The following ADGRL2 variants were observed in gnomAD, a reference collection of about 807,000 sequenced individuals.
The protein encoded by ADGRL2 is calcium-independent alpha-latrotoxin receptor 2.
Under a neutral mutation model 157.4 loss-of-function variants are expected in ADGRL2, and 44 were observed. The ratio of observed to expected loss-of-function variants is 0.28; its 90% CI spans 0.22 to 0.36. ADGRL2 has a LOEUF of 0.36. Among genes scored for constraint, ADGRL2 ranks in the 10% least tolerant of loss-of-function variants. ADGRL2 has a pLI of 1.00. For missense variants in ADGRL2, 1,510 were observed against 1,768.9 expected, an observed-to-expected ratio of 0.85 and a Z score of 2.63; for synonymous variants, 585 against 624.7, an observed-to-expected ratio of 0.94 and a Z score of 0.95.
intron 3 of ADGRL2, among the ~76,000 whole-genome samples, chr1:81,918,597 G>A (rs989672812): frequency 4.6e-5 from 7 of 152,166 alleles, no homozygotes; most frequent in Middle Eastern, 3.4e-3. Flanking sequence ...TGTTTGTAAG[G>A]CACAGGCTGG....
chr1:81,427,934 C>T (rs1422114302), intron 1 of ADGRL2, among the ~76,000 whole-genome samples: 2 of 151,846 alleles, frequency 1.3e-5, no homozygotes, highest in Admixed American at 6.6e-5. Flanking sequence ...AGGTATATTG[C>T]CCTGTAAATT....
At chr1:81,378,655 A>G (rs1376781557) in intron 1 of ADGRL2, among the ~76,000 whole-genome samples, 1 of 151,122 alleles carries the variant, frequency 6.6e-6, no homozygotes, top group Non-Finnish European at 1.5e-5. Context: ...ATCTCTCTTT[A>G]TGTAAAAATG....
chr1:81,887,779 A>G (rs142078195), intron 2 of ADGRL2, among the ~76,000 whole-genome samples: 70 of 152,346 alleles, frequency 4.6e-4, no homozygotes, highest in African/African-American at 1.7e-3. Flanking sequence ...ACTAATACCT[A>G]TATAAATTGT....
upstream of ADGRL2, among the ~76,000 whole-genome samples, chr1:81,694,945 C>T (rs1173441173): frequency 6.6e-6 from 1 of 152,106 alleles, no homozygotes; most frequent in Non-Finnish European, 1.5e-5. Flanking sequence ...ATGTGTTATA[C>T]TCTCCATTTG....
chr1:81,615,469 C>T (rs989182047), intron 3 of ADGRL2, among the ~76,000 whole-genome samples: 1 of 152,230 alleles, frequency 6.6e-6, no homozygotes, highest in African/African-American at 2.4e-5. Flanking sequence ...CGAAGGTCTG[C>T]AACTTCACTC....
chr1:81,955,644 C>T (rs1653270434), intron 10 of ADGRL2: 2 of 365,236 alleles, frequency 5.5e-6, no homozygotes, highest in South Asian at 1.9e-4. Context: ...ACCTTCTACA[C>T]TTACTGTTTG....
At chr1:81,389,906 T>C (rs549020324) in intron 1 of ADGRL2, among the ~76,000 whole-genome samples, 2 of 152,252 alleles carry the variant, frequency 1.3e-5, no homozygotes, top group Admixed American at 6.5e-5. Flanking sequence ...AAGCTATATA[T>C]ACAAAATTCC....
chr1:81,524,142 C>T (rs373205706), intron 2 of ADGRL2, among the ~76,000 whole-genome samples: 5 of 152,002 alleles, frequency 3.3e-5, no homozygotes, highest in East Asian at 3.9e-4. Context: ...GGTTGGATCA[C>T]GAGGTCAGGA....
Position 81,904,413 on chromosome 1 carries a change from G to T in ADGRL2, c.74-2604G>T, listed in dbSNP as rs543745555. The stretch of plus-strand genomic sequence containing the variant: ...ATTAAGAACTCTTAGTGCAATTTCT[G>T]TTGCTATAGGAAAATACTCAGACTG... On this transcript the variant is annotated intron_variant, in intron 2 of 23. Transcript: ENST00000686636. 2.0e-4 allele frequency among the ~76,000 whole-genome samples: 30 copies of T among 152,252 alleles called. No homozygotes were observed. In the East Asian group the frequency reaches 5.6e-3, roughly 28 times the overall value.
chr1:81,792,826 G>A (rs1380457293), intron 2 of ADGRL2, among the ~76,000 whole-genome samples: 1 of 152,024 alleles, frequency 6.6e-6, no homozygotes, highest in Non-Finnish European at 1.5e-5. Flanking sequence ...CACCAAAGGA[G>A]AAAGTTTAAA....
At chr1:81,730,220 A>G (rs934222573) in intron 1 of ADGRL2, among the ~76,000 whole-genome samples, 1 of 152,216 alleles carries the variant, frequency 6.6e-6, no homozygotes, top group African/African-American at 2.4e-5. Flanking sequence ...CACCAGGCAC[A>G]TTGTAACAAA....
chr1:81,429,520 T>A (rs879741091), intron 1 of ADGRL2, among the ~76,000 whole-genome samples: 1 of 152,206 alleles, frequency 6.6e-6, no homozygotes, highest in Non-Finnish European at 1.5e-5. Flanking sequence ...TGGTTGCCTG[T>A]CCTAAGAAAC....
chr1:81,913,868 AT>A (rs2094791737), intron 3 of ADGRL2, among the ~76,000 whole-genome samples: 1 of 152,148 alleles, frequency 6.6e-6, no homozygotes, highest in Non-Finnish European at 1.5e-5. Context: ...ATGAAAATGT[AT>A]TCATAAATAA....
intron 3 of ADGRL2, among the ~76,000 whole-genome samples, chr1:81,924,206 G>A (rs1038539542): frequency 2.6e-5 from 4 of 152,012 alleles, no homozygotes; most frequent in African/African-American, 9.7e-5. Flanking sequence ...TTGCATGGAG[G>A]GCACCACTGG....
intron 2 of ADGRL2, among the ~76,000 whole-genome samples, chr1:81,486,759 A>G (rs889856198): frequency 2.0e-5 from 3 of 152,218 alleles, no homozygotes; most frequent in African/African-American, 7.2e-5. Context: ...CATATAAGTT[A>G]GAAAACCTAC....
rs1664374297 is a variant in ADGRL2, at chr1:81,990,450, A to C, written c.3715A>C (p.Asn1239His). Residue 1239 changes from asparagine (N) to histidine (H), a missense_variant, in exon 24 of 24, where the codon AAT becomes CAT. Asn to His is a moderately conservative substitution (Grantham distance 68). Around this residue, in one of 4 missense-constraint regions of ADGRL2, gnomAD observed 327 missense variants for 310.1 expected, o/e 1.05. Transcript: ENST00000686636. ...CATGGATACTCTACCGCTAAATGGTAATTTTAACAACAGCTACTCGCTGCA... is the reference window on the plus strand; with the variant it reads ...CATGGATACTCTACCGCTAAATGGTCATTTTAACAACAGCTACTCGCTGCA... ...SAMDTLPLNGNFNNSYSLHKG... is the reference protein window; with the variant it reads ...SAMDTLPLNGHFNNSYSLHKG... 1 of 1,613,982 alleles carries C rather than the reference A, an allele frequency of 6.2e-7. No homozygotes were observed. The highest frequency in any genetic ancestry group is 1.1e-5 in the South Asian group (1 of 91,086).
intron 3 of ADGRL2, among the ~76,000 whole-genome samples, chr1:81,922,385 T>TTA (rs2095002813): frequency 6.6e-6 from 1 of 152,154 alleles, no homozygotes; most frequent in South Asian, 2.1e-4. Context: ...AAGATTGTGT[T>TTA]TATATATATC....
At chr1:81,807,941 A>T (rs964326582) in intron 1 of ADGRL2, among the ~76,000 whole-genome samples, 17 of 151,772 alleles carry the variant, frequency 1.1e-4, no homozygotes, top group Non-Finnish European at 2.2e-4. Flanking sequence ...ACAGTTTTTT[A>T]AAAGCTTATT....
intron 11 of ADGRL2, among the ~76,000 whole-genome samples, chr1:81,964,511 G>A (rs930621114): frequency 2.6e-5 from 4 of 152,038 alleles, no homozygotes; most frequent in Non-Finnish European, 5.9e-5. Context: ...GCAGTTACAT[G>A]ATGCTCATTA....
Sources: allele counts gnomAD v4.1 joint callset (sites outside exome capture counted in the v4.1 genomes callset), GRCh38; gene constraint gnomAD v4.1.1; regional missense constraint gnomAD v4.1.1; transcripts MANE v1.5; gene names NCBI Gene and HGNC (gene_info 2026-07-23, HGNC 2026-07-21).